OGG1: variants seen among roughly 807,000 people sequenced by gnomAD.
OGG1 encodes N-glycosylase/DNA lyase.
OGG1 carries 35 observed loss-of-function variants against 42.3 expected under a neutral mutation model. The ratio of observed to expected loss-of-function variants is 0.83; its 90% CI spans 0.63 to 1.10. The LOEUF is 1.10. Among genes scored for constraint, OGG1 ranks in the 50% least tolerant of loss-of-function variants. The probability of loss-of-function intolerance (pLI) is 0.00; values close to 1 mark genes in which losing one functional copy is unlikely to be tolerated. For missense variants in OGG1, 484 were observed against 446.7 expected (o/e 1.08, Z -0.75); for synonymous variants, 189 against 179.0 (o/e 1.06, Z -0.44).
intron 3 of OGG1, chr3:9,781,629 GAA>G (rs1437430209): frequency 2.2e-6 from 1 of 453,360 alleles, no homozygotes; most frequent in Non-Finnish European, 4.5e-6. Flanking sequence ...CAATCTCTCT[GAA>G]CAGGGTCTGA....
downstream of OGG1, chr3:9,759,196 GTCA>G (rs2077729363): frequency 6.2e-7 from 1 of 1,612,886 alleles, no homozygotes; most frequent in Non-Finnish European, 8.5e-7. Context: ...GCTCTGTCAG[GTCA>G]TCACCACTTT....
chr3:9,759,394 C>T (rs2077739288), downstream of OGG1: 1 of 1,575,306 alleles, frequency 6.3e-7, no homozygotes, highest in Non-Finnish European at 8.7e-7. Flanking sequence ...ACTGTGTGCC[C>T]AGTGTGATGC....
At chr3:9,750,612 C>G (rs1270351540) in intron 1 of OGG1, 189 bp downstream of exon 1, 2 of 805,360 alleles carry the variant, frequency 2.5e-6, no homozygotes, top group African/African-American at 3.4e-5. Flanking sequence ...AAGGATCCAG[C>G]GGTATAACCG....
At chr3:9,765,631 C>A in intron 7 of OGG1, 2 of 1,105,626 alleles carry the variant, frequency 1.8e-6, no homozygotes, top group Non-Finnish European at 1.3e-6. Flanking sequence ...AAATTGTGAT[C>A]CCCATTTTAT....
intron 7 of OGG1, chr3:9,763,321 A>C: frequency 7.3e-7 from 1 of 1,368,118 alleles, no homozygotes; most frequent in Non-Finnish European, 1.0e-6. Context: ...TGGCCCCAGC[A>C]GTTCAAAGCT....
intron 2 of OGG1, chr3:9,780,461 T>C: frequency 6.2e-7 from 1 of 1,612,208 alleles, no homozygotes; most frequent in Non-Finnish European, 8.5e-7. Flanking sequence ...CGGGCAGCCA[T>C]GATCTTGCGA....
chr3:9,751,231 C>T (rs1371115106), intron 2 of OGG1, 39 bp downstream of exon 2: 1 of 1,605,924 alleles, frequency 6.2e-7, no homozygotes, highest in Non-Finnish European at 8.5e-7. Context: ...GGTTCTTGGA[C>T]ATAAGTCACT....
chr3:9,753,647 C>CTT (rs1450749826), intron 3 of OGG1, among the ~76,000 whole-genome samples: 3 of 142,932 alleles, frequency 2.1e-5, no homozygotes, highest in Non-Finnish European at 3.0e-5. Flanking sequence ...GAGTGAGACT[C>CTT]TGTCTCAACA....
At chr3:9,761,045 A>C (rs2077841278), downstream of OGG1, 6 of 422,180 alleles carry the variant, frequency 1.4e-5, no homozygotes, top group Non-Finnish European at 2.6e-5. Flanking sequence ...CTCCCTCACC[A>C]CTCGGTCATC....
downstream of OGG1, chr3:9,760,544 G>A: frequency 1.9e-6 from 2 of 1,058,378 alleles, no homozygotes; most frequent in South Asian, 2.7e-5. Flanking sequence ...ACAGCTCTTT[G>A]TGTGGTGCTG....
In OGG1 at chr3:9,751,159, T is replaced by C. The variant is rs773189203; in HGVS notation, c.352T>C (p.Ser118Pro). ...GTATCACCACTGGGGTTCCGTGGAC[T>C]CCCACTTCCAAGAGGTGGCTCAGAA... ...QLYHHWGSVDSHFQEVAQKFQ... is the reference protein window; with the variant it reads ...QLYHHWGSVDPHFQEVAQKFQ... Residue 118 changes from serine (S) to proline (P), a missense_variant, in exon 2 of 7, where the codon TCC becomes CCC. Ser to Pro is a moderately conservative substitution (Grantham distance 74). Transcript: ENST00000344629. 1.2e-5 allele frequency: 20 copies of C among 1,614,120 alleles called. No homozygotes were observed. Among genetic ancestry groups the C allele is most frequent in the Non-Finnish European group, 1.7e-5 (20 of 1,179,986 alleles).
rs777289350 is a variant in OGG1 at position 9,754,895 on chromosome 3, CA to C, written c.747+11del. 1 of 1,577,734 alleles carries C rather than the reference CA, an allele frequency of 6.3e-7. No homozygotes were observed. Among genetic ancestry groups the C allele is most frequent in the South Asian group, 1.2e-5 (1 of 86,598 alleles). ...TGGAGTGGGCACCAAGGTGAGGCCC[CA>C]GGGGGTAGGAGCTGCCCTCTCTACT... On this transcript the variant is annotated intron_variant, in intron 4 of 6. Coordinates refer to ENST00000344629, the MANE Select transcript of OGG1 (RefSeq NM_002542.6).
intron 4 of OGG1, 105 bp downstream of exon 4, chr3:9,754,990 G>C (rs1326461643): frequency 2.3e-6 from 2 of 888,560 alleles, no homozygotes; most frequent in Non-Finnish European, 3.6e-6. Flanking sequence ...TCCGGAGGCA[G>C]AGCAGGAAGG....
intron 3 of OGG1, among the ~76,000 whole-genome samples, chr3:9,752,699 G>GAACT (rs1314220760): frequency 2.0e-5 from 3 of 152,208 alleles, no homozygotes; most frequent in Non-Finnish European, 4.4e-5. Context: ...AAGTGCTTGG[G>GAACT]AACTGCATAG....
At chr3:9,762,985 G>A (rs766533357) in intron 7 of OGG1, 13 of 1,614,014 alleles carry the variant, frequency 8.1e-6, no homozygotes, top group East Asian at 4.5e-5. Context: ...AAGATGAGGC[G>A]GCTGGCGTCC....
At chr3:9,767,624 G>A (rs1319685414), downstream of OGG1, 1 of 1,612,914 alleles carries the variant, frequency 6.2e-7, no homozygotes, top group Non-Finnish European at 8.5e-7. Flanking sequence ...CCTGGACTCA[G>A]CCTCCCTCAG....
At chr3:9,772,043 C>T (rs1193423980) in intron 2 of OGG1, among the ~76,000 whole-genome samples, 1 of 152,060 alleles carries the variant, frequency 6.6e-6, no homozygotes, top group Non-Finnish European at 1.5e-5. Flanking sequence ...GTCTCGAACT[C>T]CTGACCTCAG....
chr3:9,766,083 C>G (rs1162855264), exon 8 of OGG1: 1 of 1,535,340 alleles, frequency 6.5e-7, no homozygotes, highest in South Asian at 1.2e-5. Context: ...GTAGTCTCTC[C>G]CCTGGCCACA....
chr3:9,759,389 G>A, downstream of OGG1: 1 of 1,565,226 alleles, frequency 6.4e-7, no homozygotes, highest in Non-Finnish European at 8.8e-7. Context: ...CAGTTACTGT[G>A]TGCCCAGTGT....
Sources: allele counts gnomAD v4.1 joint callset (sites outside exome capture counted in the v4.1 genomes callset), GRCh38; gene constraint gnomAD v4.1.1; transcripts MANE v1.5; gene names NCBI Gene and HGNC (gene_info 2026-07-23, HGNC 2026-07-21).